Variants in IL23R observed in about 807,000 individuals in gnomAD.
IL23R encodes the protein interleukin-23 receptor.
Under a neutral mutation model 56.9 loss-of-function variants are expected in IL23R, and 34 were observed. The ratio of observed to expected loss-of-function variants is 0.60; its 90% confidence interval spans 0.45 to 0.80. IL23R has a LOEUF of 0.80. Among genes scored for constraint, IL23R ranks in the 30% least tolerant of loss-of-function variants. The pLI, the probability that IL23R is intolerant of heterozygous loss-of-function variation, is 0.00. For missense variants in IL23R, 635 were observed against 730.0 expected (o/e 0.87, Z 1.50); for synonymous variants, 230 against 249.2 (o/e 0.92, Z 0.73).
intron 7 of IL23R, among the ~76,000 whole-genome samples, chr1:67,233,305 G>T (rs759154722): frequency 1.1e-4 from 16 of 150,934 alleles, no homozygotes; most frequent in Non-Finnish European, 2.1e-4. Context: ...GGCAGAAGTT[G>T]CAGTGAGCCA....
chr1:67,138,946 G>A (rs1211129729), exon 1 of IL23R: 4 of 152,330 alleles, frequency 2.6e-5, no homozygotes, highest in Non-Finnish European at 5.9e-5. Context: ...TTTATTCCGG[G>A]ACTTTGAGCC....
intron 3 of IL23R, among the ~76,000 whole-genome samples, chr1:67,182,489 G>T (rs191067019): frequency 6.6e-6 from 1 of 152,302 alleles, no homozygotes; most frequent in Admixed American, 6.5e-5. Context: ...TCGGAAAAGT[G>T]CAGTATTAGG....
At chr1:67,245,020 T>C (rs1052661943) in intron 9 of IL23R, among the ~76,000 whole-genome samples, 2 of 152,204 alleles carry the variant, frequency 1.3e-5, no homozygotes, top group Non-Finnish European at 2.9e-5. Flanking sequence ...TTTGAAGAGG[T>C]CTTTCACATC....
chr1:67,180,612 C>T (rs1260134195), intron 3 of IL23R, among the ~76,000 whole-genome samples: 1 of 152,168 alleles, frequency 6.6e-6, no homozygotes, highest in South Asian at 2.1e-4. Context: ...GCATTTAGCC[C>T]ATTTACATTT....
At chr1:67,212,538 G>A (rs931464354) in intron 6 of IL23R, among the ~76,000 whole-genome samples, 1 of 115,326 alleles carries the variant, frequency 8.7e-6, no homozygotes, top group Non-Finnish European at 1.7e-5. Flanking sequence ...TTCTAGTCAT[G>A]CAATCTTTTT....
chr1:67,169,977 C>T (rs913619144), intron 3 of IL23R, among the ~76,000 whole-genome samples: 1 of 152,210 alleles, frequency 6.6e-6, no homozygotes, highest in African/African-American at 2.4e-5. Flanking sequence ...CCTGAACGAA[C>T]ACTGCATATG....
At chr1:67,231,825 G>C (rs1651114770) in intron 7 of IL23R, 1 of 152,202 alleles carries the variant, frequency 6.6e-6, no homozygotes, top group Non-Finnish European at 1.5e-5. Context: ...TTTCAGACCA[G>C]CCTAGCCAAC....
chr1:67,147,746 C>T (rs902547496), intron 1 of IL23R, among the ~76,000 whole-genome samples: 3 of 152,164 alleles, frequency 2.0e-5, no homozygotes, highest in Non-Finnish European at 2.9e-5. Flanking sequence ...TTCTCTCGTA[C>T]TGCTCTCTCT....
At chr1:67,227,391 G>T (rs951684712) in intron 7 of IL23R, among the ~76,000 whole-genome samples, 1 of 151,068 alleles carries the variant, frequency 6.6e-6, no homozygotes, top group Non-Finnish European at 1.5e-5. Context: ...TTGAATTGCT[G>T]CTTGCCATAG....
At chr1:67,170,440 G>A (rs1646928941) in intron 3 of IL23R, among the ~76,000 whole-genome samples, 1 of 152,014 alleles carries the variant, frequency 6.6e-6, no homozygotes, top group Admixed American at 6.6e-5. Flanking sequence ...CCACCTTGAA[G>A]GGAATAATTA....
At chr1:67,238,254 G>T (rs1651613296) in intron 8 of IL23R, among the ~76,000 whole-genome samples, 1 of 151,574 alleles carries the variant, frequency 6.6e-6, no homozygotes, top group Non-Finnish European at 1.5e-5. Context: ...AGGCTGAGGT[G>T]GGAGGATCAA....
chr1:67,210,711 CT>C (rs1477392291), intron 6 of IL23R, among the ~76,000 whole-genome samples: 2 of 152,102 alleles, frequency 1.3e-5, no homozygotes, highest in Non-Finnish European at 2.9e-5. Context: ...AATCCTCCCC[CT>C]GGCTTTCTCG....
At chr1:67,173,590 A>G (rs967338446) in intron 3 of IL23R, among the ~76,000 whole-genome samples, 4 of 152,176 alleles carry the variant, frequency 2.6e-5, no homozygotes, top group Admixed American at 2.6e-4. Flanking sequence ...GTTTCTCTCC[A>G]TTGTAACTCA....
intron 7 of IL23R, among the ~76,000 whole-genome samples, chr1:67,225,706 C>T (rs1012259888): frequency 3.3e-5 from 5 of 151,968 alleles, no homozygotes; most frequent in South Asian, 2.1e-4. Flanking sequence ...GACAGGGTTT[C>T]GTCATGTTGG....
At chr1:67,195,906 C>T (rs923998440) in intron 4 of IL23R, among the ~76,000 whole-genome samples, 1 of 152,134 alleles carries the variant, frequency 6.6e-6, no homozygotes, top group African/African-American at 2.4e-5. Context: ...TCAGCAAGCA[C>T]GTTTCTTGGA....
chr1:67,200,771 T>G lies in IL23R; in HGVS notation c.526T>G (p.Ser176Ala). The change falls in exon 5 of 11, where the codon TCA (serine) becomes GCA (alanine). Residue 176 changes from serine (S) to alanine (A), a missense_variant. Transcript: ENST00000347310. The part of the protein sequence containing the change: ...ETEEEQQYLT[S>A]SYINISTDSL... ...AGAAGAAGAGCAACAGTATCTCACC[T>G]CAAGCTATATTAACATCTCCACTGA... The G allele has an allele frequency of 6.2e-7, 1 of 1,613,894 alleles. No individual in the cohort carries two copies. Among genetic ancestry groups the G allele is most frequent in the East Asian group, 2.2e-5 (1 of 44,872 alleles).
At chr1:67,224,763 C>A (rs560323881) in intron 7 of IL23R, among the ~76,000 whole-genome samples, 17 of 152,286 alleles carry the variant, frequency 1.1e-4, no homozygotes, top group African/African-American at 3.6e-4. Context: ...CCCATTTATT[C>A]TATCTGATAT....
Position 67,228,077 on chromosome 1 carries a change from CTTTCT to C in IL23R, c.955+8355_955+8359del, listed in dbSNP as rs1464337636. Among the ~76,000 whole-genome samples the C allele has an allele frequency of 3.1e-5, 2 of 64,192 alleles. 1 individual carries two copies. Among genetic ancestry groups the C allele is most frequent in the Admixed American group, 4.3e-4 (2 of 4,680 alleles). The allele number at this position is 64,192 out of a possible 152,430, so 42.1% of individuals were successfully genotyped here. ...TCTTTCTTTCTCTGTCTCTCTCTTT[CTTTCT>C]TTTCTTTCTTTCTTTCTTTCTTTCT... On this transcript the variant is annotated intron_variant, in intron 7 of 10. Coordinates refer to ENST00000347310, the MANE Select transcript of IL23R (RefSeq NM_144701.3).
At chr1:67,170,995 G>A (rs140419929) in intron 3 of IL23R, among the ~76,000 whole-genome samples, 501 of 152,310 alleles carry the variant, frequency 3.3e-3, no homozygotes, top group Non-Finnish European at 4.9e-3. Context: ...ACCTTAAACT[G>A]ATGCCTTAAA....
Sources: allele counts gnomAD v4.1 joint callset (sites outside exome capture counted in the v4.1 genomes callset), GRCh38; gene constraint gnomAD v4.1.1; transcripts MANE v1.5; gene names NCBI Gene and HGNC (gene_info 2026-07-23, HGNC 2026-07-21).